RBM28: variants seen among roughly 807,000 people sequenced by gnomAD.
RBM28 encodes the protein RNA binding motif protein 28.
A neutral mutation model predicts 98.3 loss-of-function variants in RBM28; 78 were observed. The ratio of observed to expected loss-of-function variants is 0.79; its 90% CI spans 0.66 to 0.96. The LOEUF (loss-of-function observed/expected upper bound fraction) is 0.96, where lower values mean the gene tolerates loss of function less well. Among genes scored for constraint, RBM28 ranks in the 40% least tolerant of loss-of-function variants. The pLI, the probability that RBM28 is intolerant of heterozygous loss-of-function variation, is 0.00. For synonymous variants in RBM28, 306 were observed against 330.9 expected, an observed-to-expected ratio of 0.92 and a Z score of 0.82; for missense variants, 838 against 913.0, an observed-to-expected ratio of 0.92 and a Z score of 1.06.
chr7:128,313,939 C>G (rs551541169), intron 17 of RBM28, among the ~76,000 whole-genome samples: 3 of 152,296 alleles, frequency 2.0e-5, no homozygotes, highest in African/African-American at 7.2e-5. Flanking sequence ...GCCTGTGGAA[C>G]CATGAGCCAA....
rs980167133 is a variant in RBM28, at chr7:128,304,778, T to C, written c.*6019A>G. On this transcript the variant is annotated 3_prime_UTR_variant, in exon 19 of 19. Coordinates refer to ENST00000223073, the MANE Select transcript of RBM28 (RefSeq NM_018077.3). ...TCCTGCTGCAGAGCTGAGGGCTGGA[T>C]AATTTCATGTTCTCTGGCAACTGAT... is the stretch of plus-strand genomic sequence containing the variant. 1 of 152,310 alleles carries C rather than the reference T, an allele frequency of 6.6e-6. No individual in the cohort carries two copies. Among genetic ancestry groups the C allele is most frequent in the East Asian group, 1.9e-4 (1 of 5,206 alleles). 9.4% of individuals were successfully genotyped at this position (152,310 alleles called of 1,614,324 possible).
chr7:128,314,088 C>G (rs971695089), intron 17 of RBM28, among the ~76,000 whole-genome samples: 1 of 152,072 alleles, frequency 6.6e-6, no homozygotes, highest in Non-Finnish European at 1.5e-5. Context: ...TCAGCCTCCC[C>G]AGTAGCTGGG....
intron 8 of RBM28, 148 bp from the exon 9 acceptor site, chr7:128,333,510 G>A (rs1297922515): frequency 1.5e-6 from 1 of 665,920 alleles, no homozygotes; most frequent in Non-Finnish European, 2.6e-6. Context: ...CTGAGGTCAG[G>A]AGTTCGAGAC....
chr7:128,300,319 AG>A lies in RBM28; in HGVS notation c.*10477del, dbSNP rs1795763326. The A allele has an allele frequency of 6.6e-6, 1 of 152,224 alleles. No homozygotes were observed. The highest frequency in any genetic ancestry group is 1.5e-5 in the Non-Finnish European group (1 of 68,078). 9.4% of individuals were successfully genotyped at this position (152,224 alleles called of 1,614,324 possible). A position where few individuals can be genotyped will look rare whatever the true frequency, so the allele number is the denominator to read the frequency against. The stretch of plus-strand genomic sequence containing the variant: ...CCTGACCTGGACTCTGAGGGCTCTG[AG>A]CAGGGAAGGGTTAGAACCCAGCGTG... On this transcript the variant is annotated 3_prime_UTR_variant, in exon 19 of 19. Coordinates refer to ENST00000223073, the MANE Select transcript of RBM28 (RefSeq NM_018077.3).
At position 128,300,548 on chromosome 7, in the gene RBM28, T is replaced by C. The variant is rs945641498; in HGVS notation, c.*10249A>G. The stretch of plus-strand genomic sequence containing the variant: ...GACTTTTCTGATCCTTCAATGAGCA[T>C]GCTAACATCATCCAACCCCTGACCT... On this transcript the variant is annotated 3_prime_UTR_variant, in exon 19 of 19. Coordinates refer to ENST00000223073, the MANE Select transcript of RBM28 (RefSeq NM_018077.3). The C allele has an allele frequency of 6.6e-6, 1 of 152,238 alleles. No homozygotes were observed. The highest frequency in any genetic ancestry group is 2.4e-5 in the African/African-American group (1 of 41,448). 9.4% of individuals were successfully genotyped at this position (152,238 alleles called of 1,614,324 possible). A position where few individuals can be genotyped will look rare whatever the true frequency, so the allele number is the denominator to read the frequency against.
In RBM28 at chr7:128,325,874, A is replaced by G. The variant is rs906733212; in HGVS notation, c.1147T>C (p.Phe383Leu). 2.5e-6 allele frequency: 4 copies of G among 1,613,706 alleles called. No individual in the cohort carries two copies. In the Admixed American group the frequency reaches 6.7e-5, roughly 27 times the overall value. The change falls in exon 11 of 19, where the codon TTC becomes CTC. Residue 383 changes from phenylalanine to leucine, a missense_variant. Coordinates refer to ENST00000223073, the MANE Select transcript of RBM28 (RefSeq NM_018077.3). Reference sequence around the variant, plus strand: ...TTCTGAGCTGCTTCTTGAGTCATGAACTGGGCAAATGCACAACCTGCACAA... The same window carrying G: ...TTCTGAGCTGCTTCTTGAGTCATGAGCTGGGCAAATGCACAACCTGCACAA... The part of the protein sequence containing the change: ...EHSKGCAFAQ[F>L]MTQEAAQKCL...
intron 13 of RBM28, 25 bp from the exon 14 acceptor site, chr7:128,321,449 A>G: frequency 1.9e-6 from 3 of 1,613,746 alleles, no homozygotes; most frequent in Non-Finnish European, 2.5e-6. Flanking sequence ...AATGGTTAAC[A>G]GTACAACCCA....
At chr7:128,336,159 AT>A in intron 6 of RBM28, 117 bp from the exon 7 acceptor site, 1 of 1,035,520 alleles carries the variant, frequency 9.7e-7, no homozygotes, top group South Asian at 1.5e-5. Flanking sequence ...AATTTCGTAT[AT>A]TTTTCTTACT....
At chr7:128,320,885 G>A (rs981185540) in intron 14 of RBM28, among the ~76,000 whole-genome samples, 1 of 152,216 alleles carries the variant, frequency 6.6e-6, no homozygotes, top group Non-Finnish European at 1.5e-5. Flanking sequence ...TCTGTTGATG[G>A]CCCGGCACAG....
At chr7:128,313,727 A>G (rs1466731541) in intron 17 of RBM28, among the ~76,000 whole-genome samples, 1 of 151,466 alleles carries the variant, frequency 6.6e-6, no homozygotes, top group East Asian at 1.9e-4. Flanking sequence ...CATGGGGATG[A>G]CTCCTTCATG....
chr7:128,312,096 C>G (rs576716160), intron 18 of RBM28, among the ~76,000 whole-genome samples: 20 of 152,206 alleles, frequency 1.3e-4, no homozygotes, highest in Middle Eastern at 3.4e-3. Context: ...GAAACACACA[C>G]ACCACCTATG....
At position 128,333,316 on chromosome 7, in the gene RBM28, C is replaced by A. The variant is rs1584657637; in HGVS notation, c.993G>T (p.Val331=). 11 of 1,606,458 alleles carry A rather than the reference C, an allele frequency of 6.8e-6. No individual in the cohort carries two copies. The highest frequency in any genetic ancestry group is 8.5e-6 in the Non-Finnish European group (10 of 1,173,008). The stretch of plus-strand genomic sequence containing the variant: ...TGATAAAAACAGTTTTCCCTTCATT[C>A]ACATCAGAGGGTAATTTCCTCTTCT... ...NKKKRKLPSD[V]NEGKTVFIRN... The change falls in exon 9 of 19, where the codon GTG becomes GTT. Residue 331 remains valine (V), a synonymous_variant. Transcript: ENST00000223073.
At position 128,338,260 on chromosome 7, in the gene RBM28, T is replaced by G; in HGVS notation, c.531A>C (p.Lys177Asn). ...AGKALKGMNM[K>N]EIKGRTVAVD... is the part of the protein sequence containing the mutation. ...GTATAGAAAGCTTACCTTTTATCTC[T>G]TTCATGTTCATGCCTTTGAGAGCTT... Residue 177 changes from lysine (K) to asparagine (N), a missense_variant, in exon 5 of 19, where the codon AAA (lysine) becomes AAC (asparagine). Coordinates refer to ENST00000223073, the MANE Select transcript of RBM28 (RefSeq NM_018077.3). 1 of 1,613,908 alleles carries G rather than the reference T, an allele frequency of 6.2e-7. No homozygotes were observed. The highest frequency in any genetic ancestry group is 8.5e-7 in the Non-Finnish European group (1 of 1,179,736).
At chr7:128,320,359 G>A (rs1286199624) in intron 14 of RBM28, among the ~76,000 whole-genome samples, 5 of 145,788 alleles carry the variant, frequency 3.4e-5, no homozygotes, top group Non-Finnish European at 6.0e-5. Flanking sequence ...GCAGTGACCC[G>A]AGATGGTGCC....
rs1795891745 is a variant in RBM28 at position 128,307,652 on chromosome 7, C to T, written c.*3145G>A. 6.6e-6 allele frequency: 1 copy of T among 152,128 alleles called. No homozygotes were observed. The highest frequency in any genetic ancestry group is 2.1e-4 in the South Asian group (1 of 4,822). The allele number at this position is 152,128 out of a possible 1,614,324, so 9.4% of individuals were successfully genotyped here. A position where few individuals can be genotyped will look rare whatever the true frequency, so the allele number is the denominator to read the frequency against. Reference sequence around the variant, plus strand: ...TTCTTAGAAACTACAAACTAACCAACAAACAAACAAATAAGGCAAAGAACA... The same window carrying T: ...TTCTTAGAAACTACAAACTAACCAATAAACAAACAAATAAGGCAAAGAACA... On this transcript the variant is annotated 3_prime_UTR_variant, in exon 19 of 19. Coordinates refer to ENST00000223073, the MANE Select transcript of RBM28 (RefSeq NM_018077.3).
Position 128,302,237 on chromosome 7 carries a change from GACTC to G in RBM28, c.*8556_*8559del, listed in dbSNP as rs1795791071. On this transcript the variant is annotated 3_prime_UTR_variant, in exon 19 of 19. Transcript: ENST00000223073. ...TCTAAGAACCTGTCCCCTTCCCTGG[GACTC>G]ACTCCAGTGGCTGGTCGCCAGTTGC... is the stretch of plus-strand genomic sequence containing the variant. 1 of 152,210 alleles carries G rather than the reference GACTC, an allele frequency of 6.6e-6. No homozygotes were observed. The highest frequency in any genetic ancestry group is 1.5e-5 in the Non-Finnish European group (1 of 68,060). 9.4% of individuals were successfully genotyped at this position (152,210 alleles called of 1,614,324 possible). A position where few individuals can be genotyped will look rare whatever the true frequency, so the allele number is the denominator to read the frequency against.
chr7:128,337,246 A>C, intron 5 of RBM28, 44 bp from the exon 6 acceptor site: 1 of 1,596,440 alleles, frequency 6.3e-7, no homozygotes, highest in Non-Finnish European at 8.6e-7. Context: ...TCCTTTTAAA[A>C]ACCCTACCTC....
At chr7:128,326,239 G>GC (rs34407278) in intron 10 of RBM28, among the ~76,000 whole-genome samples, 150,822 of 150,822 alleles carry the variant, frequency 1, 75,411 homozygotes, top group Non-Finnish European at 1. Flanking sequence ...GGGAGGCGGA[G>GC]TTGCAGCGAG....
chr7:128,321,709 G>T (rs538002814), intron 13 of RBM28, among the ~76,000 whole-genome samples: 2 of 152,174 alleles, frequency 1.3e-5, no homozygotes, highest in Admixed American at 1.3e-4. Context: ...TCTATAAAAC[G>T]AAACAGTAGA....
Sources: allele counts gnomAD v4.1 joint callset (sites outside exome capture counted in the v4.1 genomes callset), GRCh38; gene constraint gnomAD v4.1.1; transcripts MANE v1.5; gene names NCBI Gene and HGNC (gene_info 2026-07-23, HGNC 2026-07-21).